Variants in PGM5 observed in about 807,000 individuals in gnomAD.
PGM5 encodes the protein phosphoglucomutase 5.
A neutral mutation model predicts 59.2 loss-of-function variants in PGM5; 23 were observed. The observed-to-expected ratio is 0.39, with a 90% CI of 0.28 to 0.55. The LOEUF (loss-of-function observed/expected upper bound fraction) is 0.55, where lower values mean the gene tolerates loss of function less well. PGM5 is among the 20% of genes least tolerant of loss of function. The pLI is 0.66. For synonymous variants in PGM5, 214 were observed against 286.0 expected (o/e 0.75, Z 2.54); for missense variants, 574 against 748.3 (o/e 0.77, Z 2.72).
chr9:68,404,314 A>G (rs1822747953), intron 6 of PGM5, among the ~76,000 whole-genome samples: 2 of 152,094 alleles, frequency 1.3e-5, no homozygotes, highest in South Asian at 2.1e-4. Context: ...TTTTTACTAG[A>G]GACAGGGTTT....
At chr9:68,478,247 A>G (rs1824136511) in intron 7 of PGM5, among the ~76,000 whole-genome samples, 1 of 152,210 alleles carries the variant, frequency 6.6e-6, no homozygotes, top group East Asian at 1.9e-4. Flanking sequence ...TGCAGTCTTC[A>G]TTTGTGTGCC....
rs782338741 is a variant in PGM5, at chr9:68,387,634, A to T, written c.697+46A>T. The T allele has an allele frequency of 2.8e-5, 45 of 1,588,420 alleles. No homozygotes were observed. The South Asian group carries it at 4.7e-4, about 17-fold the overall frequency. ...AAATCAGTGGGCAGGAAATATTGAG[A>T]CCTGTACACCTGTTGGGTTTCAGAG... On this transcript the variant is annotated intron_variant, in intron 4 of 10. Transcript: ENST00000396396.
At chr9:68,402,468 A>G (rs1440111981) in intron 6 of PGM5, 1 of 152,224 alleles carries the variant, frequency 6.6e-6, no homozygotes, top group East Asian at 1.9e-4. Flanking sequence ...TAGACCACCA[A>G]TAAACATTGG....
intron 10 of PGM5, among the ~76,000 whole-genome samples, chr9:68,511,213 C>T (rs1175940951): frequency 6.6e-6 from 1 of 152,164 alleles, no homozygotes; most frequent in Non-Finnish European, 1.5e-5. Context: ...GCTTTGATTT[C>T]CTTCAGTGCC....
intron 10 of PGM5, among the ~76,000 whole-genome samples, chr9:68,507,905 T>G (rs1824683741): frequency 6.6e-6 from 1 of 152,210 alleles, no homozygotes; most frequent in Non-Finnish European, 1.5e-5. Context: ...GGAGGGTTGG[T>G]CATCTGATGG....
At chr9:68,493,751 A>G (rs1824438646) in intron 9 of PGM5, among the ~76,000 whole-genome samples, 1 of 152,238 alleles carries the variant, frequency 6.6e-6, no homozygotes, top group South Asian at 2.1e-4. Context: ...GAGTTTATCC[A>G]GTTGCTATTC....
chr9:68,482,465 T>C (rs1481636925), intron 8 of PGM5, among the ~76,000 whole-genome samples: 1 of 152,212 alleles, frequency 6.6e-6, no homozygotes, highest in Non-Finnish European at 1.5e-5. Context: ...GGGATGTAGA[T>C]GCAGGGGACC....
In PGM5 at chr9:68,437,056, T is replaced by C. The variant is rs1487895153; in HGVS notation, c.1044-28037T>C. 4.6e-5 allele frequency among the ~76,000 whole-genome samples: 7 copies of C among 152,258 alleles called. No individual in the cohort carries two copies. Among genetic ancestry groups the C allele is most frequent in the African/African-American group, 1.4e-4 (6 of 41,478 alleles). ...ATAGCTAACTCCTGAGTTTCCATTA[T>C]TGATAATAATTAAGAACTGGTTTGT... On this transcript the variant is annotated intron_variant, in intron 6 of 10. Transcript: ENST00000396396. This position sits in a 1 kb window ranked among gnomAD's most constrained non-coding sequence, Gnocchi z 4.1.
chr9:68,461,250 A>C (rs1823854701), intron 6 of PGM5, among the ~76,000 whole-genome samples: 1 of 152,128 alleles, frequency 6.6e-6, no homozygotes, highest in Non-Finnish European at 1.5e-5. Context: ...CAGAAGGAGA[A>C]AGAACATGGA....
intron 10 of PGM5, among the ~76,000 whole-genome samples, chr9:68,505,519 T>C (rs1225019466): frequency 6.6e-6 from 1 of 152,112 alleles, no homozygotes; most frequent in African/African-American, 2.4e-5. Context: ...TTTTCTACAA[T>C]CCCCCTTCAG....
At chr9:68,361,684 G>A (rs1311505468) in intron 1 of PGM5, among the ~76,000 whole-genome samples, 2 of 152,166 alleles carry the variant, frequency 1.3e-5, no homozygotes, top group Non-Finnish European at 2.9e-5. Context: ...TTCCAATCAT[G>A]AGGGCTCTGT....
intron 1 of PGM5, among the ~76,000 whole-genome samples, chr9:68,365,512 A>T (rs1291630106): frequency 1.3e-5 from 2 of 152,208 alleles, no homozygotes; most frequent in East Asian, 3.8e-4. Flanking sequence ...GAGTCTTCAA[A>T]TATCTTACAT....
intron 6 of PGM5, among the ~76,000 whole-genome samples, chr9:68,426,380 A>G (rs1363652025): frequency 6.6e-6 from 1 of 152,144 alleles, no homozygotes; most frequent in Non-Finnish European, 1.5e-5. Flanking sequence ...ACACATACAT[A>G]TAATTGTTTT....
chr9:68,471,721 C>T (rs1415335683), intron 7 of PGM5, among the ~76,000 whole-genome samples: 1 of 151,710 alleles, frequency 6.6e-6, no homozygotes, highest in Non-Finnish European at 1.5e-5. Flanking sequence ...GAGTTCAAGA[C>T]CAGCCTGGCC....
chr9:68,394,860 G>C (rs1327363824), intron 6 of PGM5, among the ~76,000 whole-genome samples: 1 of 152,096 alleles, frequency 6.6e-6, no homozygotes, highest in Non-Finnish European at 1.5e-5. Flanking sequence ...GGCCTGAAGT[G>C]ATCCCCCTGC....
intron 9 of PGM5, among the ~76,000 whole-genome samples, chr9:68,495,560 A>T (rs2132102226): frequency 6.6e-6 from 1 of 152,364 alleles, no homozygotes; most frequent in Middle Eastern, 3.4e-3. Context: ...TAGTGACTAC[A>T]AAAGTGGATT....
intron 6 of PGM5, among the ~76,000 whole-genome samples, chr9:68,395,349 G>A (rs1453582650): frequency 1.3e-5 from 2 of 152,102 alleles, no homozygotes; most frequent in Non-Finnish European, 2.9e-5. Context: ...TGATTCGTAT[G>A]TAAATATTAC....
At chr9:68,465,297 A>G in intron 7 of PGM5, 89 bp downstream of exon 7, 1 of 879,048 alleles carries the variant, frequency 1.1e-6, no homozygotes, top group Non-Finnish European at 1.9e-6. Flanking sequence ...TCTGTGAATT[A>G]CAGAGGAACA....
chr9:68,512,191 A>G (rs1824760299), intron 10 of PGM5, among the ~76,000 whole-genome samples: 1 of 152,152 alleles, frequency 6.6e-6, no homozygotes, highest in African/African-American at 2.4e-5. Flanking sequence ...TGAACACTGG[A>G]GTGGGTGTGT....
Sources: gnomAD v4.1 joint callset for allele counts (sites outside exome capture counted in the v4.1 genomes callset) on GRCh38, gnomAD v4.1.1 for gene constraint, Gnocchi (gnomAD v3.1) non-coding constraint, MANE v1.5 for transcripts, NCBI Gene and HGNC (gene_info 2026-07-23, HGNC 2026-07-21) for gene names.